Variants in FSHR observed in about 807,000 individuals in gnomAD.
FSHR encodes the protein follicle stimulating hormone receptor, also known as follicle-stimulating hormone receptor.
FSHR carries 46 observed loss-of-function variants against 52.1 expected under a neutral mutation model. The ratio of observed to expected loss-of-function variants is 0.88; its 90% CI spans 0.70 to 1.13. FSHR has a LOEUF of 1.13. Ranked by LOEUF, FSHR falls within the 50% of genes most tolerant of loss-of-function variation. The pLI, the probability that FSHR is intolerant of heterozygous loss-of-function variation, is 0.00. For synonymous variants in FSHR, 399 were observed against 309.6 expected (o/e 1.29, Z -3.03); for missense variants, 964 against 834.6 (o/e 1.16, Z -1.91).
intron 8 of FSHR, among the ~76,000 whole-genome samples, chr2:48,970,254 G>A (rs1197716903): frequency 1.3e-5 from 2 of 152,042 alleles, no homozygotes; most frequent in Non-Finnish European, 2.9e-5. Flanking sequence ...TGCCTTATTT[G>A]TCACTTCCAT....
At chr2:49,107,219 CT>C (rs201360403) in intron 1 of FSHR, among the ~76,000 whole-genome samples, 13 of 151,276 alleles carry the variant, frequency 8.6e-5, no homozygotes, top group East Asian at 2.0e-4. Context: ...CTTAGTTCCA[CT>C]TTTTTTTTAC....
At position 48,962,605 on chromosome 2, in the gene FSHR, C is replaced by G. The variant is rs1199415304; in HGVS notation, c.*128G>C. ...AATTAATAGTTCCTGACCAATTTAC[C>G]TTAAAGGTATGCCAGGAATATTAAA... On this transcript the variant is annotated 3_prime_UTR_variant, in exon 10 of 10. Coordinates refer to ENST00000406846, the MANE Select transcript of FSHR (RefSeq NM_000145.4). 2.1e-6 allele frequency: 2 copies of G among 954,444 alleles called. No homozygotes were observed. The highest frequency in any genetic ancestry group is 5.1e-5 in the East Asian group (2 of 39,160). 59.1% of individuals were successfully genotyped at this position (954,444 alleles called of 1,614,324 possible).
intron 2 of FSHR, among the ~76,000 whole-genome samples, chr2:49,029,573 C>G (rs1668028305): frequency 1.3e-5 from 2 of 152,178 alleles, no homozygotes; most frequent in South Asian, 4.2e-4. Context: ...TGTGAAGGTC[C>G]TCTGTCCCTC....
intron 2 of FSHR, among the ~76,000 whole-genome samples, chr2:49,021,880 T>TACATAC (rs1354586601): frequency 3.5e-4 from 18 of 51,268 alleles, no homozygotes; most frequent in African/African-American, 1.3e-3. Flanking sequence ...TATATATATA[T>TACATAC]ATATATAGAG....
chr2:49,102,413 G>C (rs752635956), intron 1 of FSHR, among the ~76,000 whole-genome samples: 1 of 152,148 alleles, frequency 6.6e-6, no homozygotes, highest in Non-Finnish European at 1.5e-5. Context: ...GCATGTGACA[G>C]CCTGGAAGAC....
At chr2:49,007,789 G>C (rs1295286697) in intron 4 of FSHR, among the ~76,000 whole-genome samples, 1 of 152,040 alleles carries the variant, frequency 6.6e-6, no homozygotes, top group African/African-American at 2.4e-5. Context: ...CATTTATTGT[G>C]AATGGATAAT....
At chr2:49,029,817 A>G (rs1190846206) in intron 2 of FSHR, among the ~76,000 whole-genome samples, 1 of 152,154 alleles carries the variant, frequency 6.6e-6, no homozygotes, top group Non-Finnish European at 1.5e-5. Flanking sequence ...TTTGTTCCTC[A>G]TCTATAAAAC....
At chr2:49,134,260 G>C (rs1309378700) in intron 1 of FSHR, among the ~76,000 whole-genome samples, 1 of 152,182 alleles carries the variant, frequency 6.6e-6, no homozygotes, top group Non-Finnish European at 1.5e-5. Flanking sequence ...CAAAGGATAT[G>C]AACAGACACT....
chr2:48,986,554 A>G (rs1675525204), intron 6 of FSHR, among the ~76,000 whole-genome samples: 1 of 152,172 alleles, frequency 6.6e-6, no homozygotes, highest in Non-Finnish European at 1.5e-5. Context: ...CCAAAATAAG[A>G]ACAATAGAAA....
chr2:49,050,970 A>G (rs1178016046), intron 2 of FSHR, among the ~76,000 whole-genome samples: 2 of 152,144 alleles, frequency 1.3e-5, no homozygotes, highest in East Asian at 1.9e-4. Context: ...TGAGGTTCAT[A>G]TAAATAGAAT....
At chr2:49,071,521 A>G (rs1284658589) in intron 1 of FSHR, among the ~76,000 whole-genome samples, 2 of 152,196 alleles carry the variant, frequency 1.3e-5, no homozygotes, top group Non-Finnish European at 2.9e-5. Flanking sequence ...TCTTTAAAGG[A>G]TAAGAAAATT....
intron 4 of FSHR, among the ~76,000 whole-genome samples, chr2:49,013,229 C>G (rs1667341798): frequency 6.6e-6 from 1 of 151,522 alleles, no homozygotes; most frequent in Non-Finnish European, 1.5e-5. Flanking sequence ...ACCTCTTGGA[C>G]TTCCCAGCCT....
intron 8 of FSHR, among the ~76,000 whole-genome samples, chr2:48,981,429 A>C (rs887221993): frequency 4.6e-5 from 7 of 152,148 alleles, no homozygotes; most frequent in Non-Finnish European, 7.4e-5. Flanking sequence ...AATATTAGGA[A>C]ATAGGTATTG....
chr2:49,051,397 T>C (rs960434778), intron 2 of FSHR, among the ~76,000 whole-genome samples: 12 of 152,190 alleles, frequency 7.9e-5, no homozygotes, highest in Admixed American at 3.9e-4. Context: ...TATGTAATAG[T>C]ATTTCATTAT....
At chr2:49,132,879 C>T (rs753563314) in intron 1 of FSHR, among the ~76,000 whole-genome samples, 1 of 131,736 alleles carries the variant, frequency 7.6e-6, no homozygotes, top group Non-Finnish European at 1.6e-5. Context: ...AAAAACCAAA[C>T]AAAAACTATT....
At chr2:49,136,215 A>G (rs1672482841) in intron 1 of FSHR, among the ~76,000 whole-genome samples, 1 of 152,164 alleles carries the variant, frequency 6.6e-6, no homozygotes, top group South Asian at 2.1e-4. Flanking sequence ...AGAAAAATAA[A>G]GGAATATTTT....
At position 49,056,271 on chromosome 2, in the gene FSHR, T is replaced by C. The variant is rs192426017; in HGVS notation, c.224+11948A>G. 8.6e-5 allele frequency among the ~76,000 whole-genome samples: 13 copies of C among 151,596 alleles called. No individual in the cohort carries two copies. In the East Asian group the frequency reaches 2.1e-3, roughly 25 times the overall value. On this transcript the variant is annotated intron_variant, in intron 2 of 9. Transcript: ENST00000406846. Reference sequence around the variant, plus strand: ...ACTTTACCTGTAAAGACACATAGACTGAAATTGAAAGGATTGAAAAAAGAT... The same window carrying C: ...ACTTTACCTGTAAAGACACATAGACCGAAATTGAAAGGATTGAAAAAAGAT...
chr2:49,099,542 G>A (rs1670948609), intron 1 of FSHR, among the ~76,000 whole-genome samples: 1 of 152,096 alleles, frequency 6.6e-6, no homozygotes, highest in Admixed American at 6.6e-5. Flanking sequence ...TTTGAAAATA[G>A]GGTGTTTGCA....
intron 9 of FSHR, among the ~76,000 whole-genome samples, chr2:48,964,257 GA>G (rs1559071000): frequency 1.3e-5 from 2 of 152,102 alleles, no homozygotes; most frequent in Admixed American, 1.3e-4. Flanking sequence ...GCTGTTAAGT[GA>G]AAATAATTTA....
Sources: allele counts gnomAD v4.1 joint callset (sites outside exome capture counted in the v4.1 genomes callset), GRCh38; gene constraint gnomAD v4.1.1; transcripts MANE v1.5; gene names NCBI Gene and HGNC (gene_info 2026-07-23, HGNC 2026-07-21).